Variants in SCN1A observed in about 807,000 individuals in gnomAD.
The protein encoded by SCN1A is sodium channel protein type 1 subunit alpha.
Under a neutral mutation model 193.7 loss-of-function variants are expected in SCN1A, and 13 were observed. That is an observed-to-expected ratio of 0.07 (90% CI 0.04 to 0.11). The LOEUF (loss-of-function observed/expected upper bound fraction) is 0.11. Among genes scored for constraint, SCN1A ranks in the 10% least tolerant of loss-of-function variants. The probability of loss-of-function intolerance (pLI) is 1.00; values close to 1 mark genes in which losing one functional copy is unlikely to be tolerated. For synonymous variants in SCN1A, 781 were observed against 843.6 expected (o/e 0.93, Z 1.29); for missense variants, 1,432 against 2,451.1 (o/e 0.58, Z 8.78).
chr2:166,041,484 A>AG lies in SCN1A; in HGVS notation c.2177-16_2177-15insC. Reference sequence around the variant, plus strand: ...TTCTTCAAGTTCTAGATTAAGAAAAAAAAAAAAAAGAACCACCAAAAGGTA... The same window carrying AG: ...TTCTTCAAGTTCTAGATTAAGAAAAAGAAAAAAAAAGAACCACCAAAAGGTA... On this transcript the variant is annotated splice_polypyrimidine_tract_variant and intron_variant, in intron 15 of 28. Coordinates refer to ENST00000674923, the MANE Select transcript of SCN1A (RefSeq NM_001165963.4). 6.8e-7 allele frequency: 1 copy of AG among 1,475,630 alleles called. No individual in the cohort carries two copies. The highest frequency in any genetic ancestry group is 9.3e-7 in the Non-Finnish European group (1 of 1,069,566). 91.4% of individuals were successfully genotyped at this position (1,475,630 alleles called of 1,614,324 possible). A position where few individuals can be genotyped will look rare whatever the true frequency, so the allele number is the denominator to read the frequency against.
At chr2:165,998,274 A>C in intron 25 of SCN1A, 99 bp from the exon 26 acceptor site, 1 of 1,032,142 alleles carries the variant, frequency 9.7e-7, no homozygotes, top group Middle Eastern at 3.2e-4. Context: ...TATTCTTACT[A>C]ATATGTCAGC....
intron 2 of SCN1A, among the ~76,000 whole-genome samples, chr2:166,083,701 A>C (rs973340785): frequency 6.6e-6 from 1 of 152,138 alleles, no homozygotes; most frequent in Non-Finnish European, 1.5e-5. Flanking sequence ...GTCATTAAAG[A>C]GTAAGACCAT....
chr2:166,067,700 CTTT>C (rs5836079), intron 4 of SCN1A, among the ~76,000 whole-genome samples: 11 of 128,326 alleles, frequency 8.6e-5, no homozygotes, highest in African/African-American at 8.7e-5. Flanking sequence ...GAGTACATAG[CTTT>C]TTTTTTTTTT....
intron 4 of SCN1A, among the ~76,000 whole-genome samples, chr2:166,067,358 G>A (rs374465568): frequency 6.6e-6 from 1 of 152,148 alleles, no homozygotes; most frequent in South Asian, 2.1e-4. Context: ...TGACCAGTAA[G>A]GGTTCGGGAA....
At chr2:166,074,566 CA>C (rs969622245) in intron 3 of SCN1A, among the ~76,000 whole-genome samples, 102 of 152,300 alleles carry the variant, frequency 6.7e-4, no homozygotes, top group African/African-American at 2.3e-3. Flanking sequence ...GCAAAACCGT[CA>C]ACCCCATACA....
At chr2:166,053,964 A>T (rs1434994028) in intron 7 of SCN1A, among the ~76,000 whole-genome samples, 1 of 151,908 alleles carries the variant, frequency 6.6e-6, no homozygotes, top group African/African-American at 2.4e-5. Flanking sequence ...AGATAAGGAT[A>T]AGGAAGTTTA....
intron 2 of SCN1A, among the ~76,000 whole-genome samples, chr2:166,115,626 CA>C: frequency 6.6e-6 from 1 of 152,134 alleles, no homozygotes; most frequent in East Asian, 1.9e-4. Flanking sequence ...CATATTTCTA[CA>C]AAAACAGTAT....
chr2:166,039,164 A>G (rs1252866451), intron 17 of SCN1A, among the ~76,000 whole-genome samples: 2 of 151,908 alleles, frequency 1.3e-5, no homozygotes, highest in Admixed American at 6.6e-5. Context: ...TAACTGTAGT[A>G]GTCTCTAGAA....
intron 2 of SCN1A, among the ~76,000 whole-genome samples, chr2:166,108,616 T>G (rs890099705): frequency 2.0e-5 from 3 of 152,130 alleles, no homozygotes; most frequent in Non-Finnish European, 2.9e-5. Flanking sequence ...TAAGGGAGTA[T>G]GATTGGTCAA....
chr2:166,116,494 G>C (rs585528), intron 2 of SCN1A, among the ~76,000 whole-genome samples: 137,429 of 152,116 alleles, frequency 0.9, 62,549 homozygotes, highest in Non-Finnish European at 0.97. Context: ...TAATTCTGGG[G>C]GACTCAATTA....
intron 17 of SCN1A, among the ~76,000 whole-genome samples, chr2:166,038,386 G>A (rs1327711937): frequency 6.6e-6 from 1 of 151,690 alleles, no homozygotes; most frequent in Non-Finnish European, 1.5e-5. Context: ...TGTCACCCAG[G>A]CGGGAGTGCA....
chr2:165,995,586 G>T (rs1447457973), intron 27 of SCN1A, among the ~76,000 whole-genome samples: 1 of 151,670 alleles, frequency 6.6e-6, no homozygotes, highest in African/African-American at 2.4e-5. Context: ...TAGAAGTAAG[G>T]TGTTATTTCA....
intron 25 of SCN1A, 104 bp from the exon 26 acceptor site, chr2:165,998,279 G>T: frequency 3.1e-6 from 3 of 960,988 alleles, no homozygotes; most frequent in Non-Finnish European, 3.1e-6. Flanking sequence ...TTACTAATAT[G>T]TCAGCATTTT....
In SCN1A at chr2:166,043,706, G is replaced by A. The variant is rs570326929; in HGVS notation, c.2006C>T (p.Pro669Leu). The A allele has an allele frequency of 1.4e-5, 22 of 1,614,028 alleles. No individual in the cohort carries two copies. In the South Asian group the frequency reaches 2.3e-4, roughly 17 times the overall value. ...AGCTGGCTTATCTATTATCACCTCT[G>A]GCAGAAGCTGTCCAACAGGCGATGT... ...VPTSPVGQLL[P>L]EVIIDKPATD... The change falls in exon 14 of 29, where the codon CCA becomes CTA. Residue 669 changes from proline (P) to leucine (L), a missense_variant. Transcript: ENST00000674923.
intron 2 of SCN1A, among the ~76,000 whole-genome samples, chr2:166,096,530 T>A (rs1270270022): frequency 6.6e-6 from 1 of 152,012 alleles, no homozygotes; most frequent in Non-Finnish European, 1.5e-5. Context: ...TCCACCCACC[T>A]CGGCCTCCCA....
chr2:165,985,704 T>G (rs558310685), downstream of SCN1A: 1 of 152,278 alleles, frequency 6.6e-6, no homozygotes, highest in Admixed American at 6.5e-5. Flanking sequence ...CTAGAGTATT[T>G]TCCTCCTCTA....
intron 2 of SCN1A, among the ~76,000 whole-genome samples, chr2:166,095,123 T>C (rs1439431281): frequency 6.6e-6 from 1 of 152,228 alleles, no homozygotes; most frequent in Non-Finnish European, 1.5e-5. Context: ...TATCTTTCCA[T>C]AGGGATAAAA....
chr2:166,068,866 C>A (rs1053455781), intron 4 of SCN1A, among the ~76,000 whole-genome samples: 1 of 152,182 alleles, frequency 6.6e-6, no homozygotes, highest in African/African-American at 2.4e-5. Context: ...TACTACAGAT[C>A]TAAAATGTCT....
At chr2:166,035,994 G>GTATATGTA in intron 19 of SCN1A, 54 bp downstream of exon 19, 1 of 1,539,066 alleles carries the variant, frequency 6.5e-7, no homozygotes, top group African/African-American at 1.4e-5. Context: ...CTGTATGTGT[G>GTATATGTA]TATATGTATA....
Sources: allele counts gnomAD v4.1 joint callset (sites outside exome capture counted in the v4.1 genomes callset), GRCh38; gene constraint gnomAD v4.1.1; transcripts MANE v1.5; gene names NCBI Gene and HGNC (gene_info 2026-07-23, HGNC 2026-07-21).